Variants in CPNE8 observed in about 807,000 individuals in gnomAD.
The protein encoded by CPNE8 is copine 8, also known as copine-8.
In CPNE8, 45 loss-of-function variants were observed where a neutral mutation model predicts 81.5. The ratio of observed to expected loss-of-function variants is 0.55; its 90% CI spans 0.44 to 0.71. CPNE8 has a LOEUF of 0.71. Ranked by LOEUF, CPNE8 falls within the 30% of genes least tolerant of loss-of-function variation. CPNE8 has a pLI of 0.00. For synonymous variants in CPNE8, 252 were observed against 226.3 expected (o/e 1.11, Z -1.02); for missense variants, 594 against 672.1 (o/e 0.88, Z 1.28).
intron 13 of CPNE8, among the ~76,000 whole-genome samples, chr12:38,704,490 A>G (rs576787410): frequency 7.9e-5 from 12 of 152,236 alleles, no homozygotes; most frequent in African/African-American, 2.6e-4. Context: ...ATCCTGATAA[A>G]TCAACTGTAA....
Position 38,776,294 on chromosome 12 carries a change from G to T in CPNE8, c.415C>A (p.Pro139Thr). 1 of 1,510,338 alleles carries T rather than the reference G, an allele frequency of 6.6e-7. No individual in the cohort carries two copies. Among genetic ancestry groups the T allele is most frequent in the Non-Finnish European group, 9.0e-7 (1 of 1,111,064 alleles). The allele number at this position is 1,510,338 out of a possible 1,614,324, so 93.6% of individuals were successfully genotyped here. ...SRLEKPIVGI[P>T]GKKCGTIILT... ...ATGATTGTACCACATTTCTTCCCTG[G>T]AATTCCTCTAAAACAACAAAAATAT... The change falls in exon 7 of 20, where the codon CCA becomes ACA. Residue 139 changes from proline to threonine, a missense_variant. Physicochemically the swap from Pro to Thr is conservative, Grantham distance 38. Coordinates refer to ENST00000331366, the MANE Select transcript of CPNE8 (RefSeq NM_153634.3).
intron 6 of CPNE8, among the ~76,000 whole-genome samples, chr12:38,818,511 T>A (rs551210454): frequency 9.2e-5 from 14 of 152,250 alleles, no homozygotes; most frequent in Non-Finnish European, 2.1e-4. Flanking sequence ...ATGTGCCATA[T>A]CTTCTTTAAC....
chr12:38,693,740 A>G lies in CPNE8; in HGVS notation c.1060T>C (p.Tyr354His). ...LKAVGEIVQD[Y>H]DSDKMFPALG... ...GCTGGAAACATTTTATCACTGTCAT[A>G]ATCTTGAACAATTTCTCCCACTGCT... The change falls in exon 15 of 20, where the codon TAT becomes CAT. Residue 354 changes from tyrosine (Y) to histidine (H), a missense_variant. Physicochemically the swap from Tyr to His is moderately conservative, Grantham distance 83. Coordinates refer to ENST00000331366, the MANE Select transcript of CPNE8 (RefSeq NM_153634.3). 1 of 1,613,738 alleles carries G rather than the reference A, an allele frequency of 6.2e-7. No individual in the cohort carries two copies. The highest frequency in any genetic ancestry group is 2.2e-5 in the East Asian group (1 of 44,846).
intron 11 of CPNE8, among the ~76,000 whole-genome samples, chr12:38,725,845 G>A (rs991821650): frequency 6.6e-6 from 1 of 151,924 alleles, no homozygotes; most frequent in Admixed American, 6.6e-5. Flanking sequence ...TGTTAATTTA[G>A]TTGATGTTTA....
At chr12:38,706,732 C>G (rs1940116454) in intron 13 of CPNE8, among the ~76,000 whole-genome samples, 1 of 152,148 alleles carries the variant, frequency 6.6e-6, no homozygotes. Flanking sequence ...TATCTTGATT[C>G]AACTCTCTCT....
At chr12:38,719,722 A>G (rs996085550) in intron 13 of CPNE8, among the ~76,000 whole-genome samples, 2 of 152,134 alleles carry the variant, frequency 1.3e-5, no homozygotes, top group African/African-American at 2.4e-5. Context: ...TCCACTATCC[A>G]AAAGAATAAG....
intron 3 of CPNE8, among the ~76,000 whole-genome samples, chr12:38,866,818 T>G (rs1264051977): frequency 2.0e-5 from 3 of 152,202 alleles, no homozygotes; most frequent in Non-Finnish European, 2.9e-5. Context: ...GTTGAGAGGC[T>G]AAATTCGGGT....
rs1943252011 is a variant in CPNE8 at position 38,829,548 on chromosome 12, C to A, written c.331-93G>T. 4 of 827,328 alleles carry A rather than the reference C, an allele frequency of 4.8e-6. No individual in the cohort carries two copies. The South Asian group carries it at 7.1e-5, about 15-fold the overall frequency. 51.2% of individuals were successfully genotyped at this position (827,328 alleles called of 1,614,324 possible). ...TCATACATCTGCATTGTTTTCATTG[C>A]TGAAATATTGACATTTCTAACTTCC... On this transcript the variant is annotated intron_variant, in intron 5 of 19. Transcript: ENST00000331366.
At chr12:38,814,793 C>T (rs1368804312) in intron 6 of CPNE8, among the ~76,000 whole-genome samples, 1 of 152,002 alleles carries the variant, frequency 6.6e-6, no homozygotes, top group East Asian at 1.9e-4. Context: ...TATAGTAACA[C>T]TAATTATAGC....
intron 6 of CPNE8, among the ~76,000 whole-genome samples, chr12:38,802,651 C>T (rs1410445192): frequency 4.6e-5 from 7 of 151,514 alleles, no homozygotes; most frequent in Non-Finnish European, 1.0e-4. Flanking sequence ...CAAGAAATAA[C>T]TAAAATCAGA....
chr12:38,794,202 C>T (rs373561392), intron 6 of CPNE8, among the ~76,000 whole-genome samples: 1 of 152,014 alleles, frequency 6.6e-6, no homozygotes, highest in South Asian at 2.1e-4. Flanking sequence ...ACAAATGGGG[C>T]CTGCATTAAG....
intron 13 of CPNE8, among the ~76,000 whole-genome samples, chr12:38,717,450 TATATATATAC>T (rs1206471608): frequency 1.5e-5 from 2 of 137,428 alleles, no homozygotes; most frequent in African/African-American, 2.7e-5. Flanking sequence ...TATATATATA[TATATATATAC>T]ACCATGGAAT....
Position 38,905,417 on chromosome 12 carries a change from G to A in CPNE8, c.98+20C>T. 6.4e-7 allele frequency: 1 copy of A among 1,551,256 alleles called. No homozygotes were observed. The stretch of plus-strand genomic sequence containing the variant: ...CCACAGATGAGAGGGCAGGAGAGAG[G>A]GGAAGGGCTGCGTCCTCACCTGCAG... On this transcript the variant is annotated intron_variant, in intron 1 of 19. Transcript: ENST00000331366.
intron 19 of CPNE8, among the ~76,000 whole-genome samples, chr12:38,668,629 T>G (rs895713551): frequency 6.6e-6 from 1 of 152,192 alleles, no homozygotes; most frequent in Non-Finnish European, 1.5e-5. Context: ...CATACTTCCA[T>G]GCAGTAATTC....
At chr12:38,734,697 A>G (rs918018037) in intron 10 of CPNE8, among the ~76,000 whole-genome samples, 6 of 152,056 alleles carry the variant, frequency 3.9e-5, no homozygotes, top group African/African-American at 1.4e-4. Flanking sequence ...TCAAACATCA[A>G]CCAGAGAATT....
intron 14 of CPNE8, among the ~76,000 whole-genome samples, chr12:38,702,103 A>G (rs769615307): frequency 3.9e-5 from 6 of 152,220 alleles, no homozygotes; most frequent in Non-Finnish European, 7.4e-5. Context: ...ATGAAATAAA[A>G]AGAATATAAA....
chr12:38,844,192 G>C (rs1474036422), intron 4 of CPNE8, among the ~76,000 whole-genome samples: 2 of 152,022 alleles, frequency 1.3e-5, no homozygotes, highest in Non-Finnish European at 2.9e-5. Flanking sequence ...AATTATCTAG[G>C]TAAGTCATAT....
intron 6 of CPNE8, among the ~76,000 whole-genome samples, chr12:38,790,022 G>T (rs757218569): frequency 6.6e-6 from 1 of 151,646 alleles, no homozygotes. Flanking sequence ...CAATCACTAC[G>T]GAGAACACTT....
intron 1 of CPNE8, 33 bp downstream of exon 1, chr12:38,905,404 G>C: frequency 2.6e-6 from 4 of 1,546,796 alleles, no homozygotes; most frequent in Non-Finnish European, 3.5e-6. Flanking sequence ...ACAGATGAGA[G>C]GGCAGGAGAG....
Sources: allele counts gnomAD v4.1 joint callset (sites outside exome capture counted in the v4.1 genomes callset), GRCh38; gene constraint gnomAD v4.1.1; transcripts MANE v1.5; gene names NCBI Gene and HGNC (gene_info 2026-07-23, HGNC 2026-07-21).